The following TUBGCP6 variants were observed in gnomAD, a reference collection of about 807,000 sequenced individuals.
The protein encoded by TUBGCP6 is tubulin gamma complex component 6, also known as gamma-tubulin complex component 6.
TUBGCP6 carries 161 observed loss-of-function variants against 175.8 expected under a neutral mutation model. The observed-to-expected ratio is 0.92, with a 90% CI of 0.81 to 1.04. The LOEUF (loss-of-function observed/expected upper bound fraction) is 1.04. TUBGCP6 is among the 50% of genes least tolerant of loss of function. The probability of loss-of-function intolerance (pLI) is 0.00; values close to 1 mark genes in which losing one functional copy is unlikely to be tolerated. For missense variants in TUBGCP6, 2,572 were observed against 2,433.0 expected, an observed-to-expected ratio of 1.06 and a Z score of -1.20; for synonymous variants, 1,173 against 1,030.5, an observed-to-expected ratio of 1.14 and a Z score of -2.65.
rs1183974461 is a variant in TUBGCP6, at chr22:50,227,962, T to C, written c.1357A>G (p.Thr453Ala). The change falls in exon 5 of 25, where the codon ACC (threonine) becomes GCC (alanine). Residue 453 changes from threonine to alanine, a missense_variant. Transcript: ENST00000248846. The part of the protein sequence containing the change: ...YRACVLSTPP[T>A]LSLLTIGFLF... ...AAACCAATGGTGAGGAGGCTCAGGG[T>C]GGGCGGAGTGGAAAGGACGCAGGCC... The C allele has an allele frequency of 1.9e-6, 3 of 1,571,216 alleles. No individual in the cohort carries two copies. Among genetic ancestry groups the C allele is most frequent in the South Asian group, 2.3e-5 (2 of 85,478 alleles).
intron 13 of TUBGCP6, chr22:50,223,012 A>AT (rs2147182785): frequency 1.8e-5 from 3 of 162,376 alleles, no homozygotes; most frequent in African/African-American, 7.2e-5. Context: ...CAAACGCTTT[A>AT]TTTGCTGAAT....
rs755692957 is a variant in TUBGCP6 at position 50,222,031 on chromosome 22, G to T, written c.2481C>A (p.Pro827=). The stretch of plus-strand genomic sequence containing the variant: ...TGGGTTCCACTCTGCCGCTTACCTG[G>T]GGGTGCACGCTCAAGAGGACGTCTG... ...EPPDVLLSVH[P]QVTSPGPEHP... Residue 827 remains proline, a synonymous_variant, in exon 15 of 25, where the codon CCC becomes CCA. Transcript: ENST00000248846. The T allele has an allele frequency of 1.2e-6, 2 of 1,613,876 alleles. No individual in the cohort carries two copies. The highest frequency in any genetic ancestry group is 1.7e-6 in the Non-Finnish European group (2 of 1,179,986).
intron 1 of TUBGCP6, 127 bp from the exon 2 acceptor site, chr22:50,240,494 A>T: frequency 8.9e-7 from 1 of 1,126,778 alleles, no homozygotes; most frequent in Non-Finnish European, 1.3e-6. Context: ...TCTCAAGCGC[A>T]TGTGTACCAT....
chr22:50,241,338 C>A (rs749342044), intron 1 of TUBGCP6, among the ~76,000 whole-genome samples: 3 of 152,098 alleles, frequency 2.0e-5, no homozygotes, highest in Non-Finnish European at 4.4e-5. Flanking sequence ...CATTACCTAG[C>A]GGACCTTGGT....
chr22:50,223,984 G>A (rs762501990), intron 13 of TUBGCP6, 157 bp downstream of exon 13: 11 of 657,520 alleles, frequency 1.7e-5, no homozygotes, highest in African/African-American at 3.6e-5. Context: ...AAGGCAGAAC[G>A]CCCACAGCCA....
chr22:50,229,693 C>G (rs561784723), intron 3 of TUBGCP6, 116 bp from the exon 4 acceptor site: 1 of 1,098,176 alleles, frequency 9.1e-7, no homozygotes, highest in African/African-American at 1.6e-5. Flanking sequence ...CCTCCAGGAC[C>G]CAAAAGCAAA....
At chr22:50,232,533 T>A (rs1390171326) in intron 3 of TUBGCP6, among the ~76,000 whole-genome samples, 1 of 151,368 alleles carries the variant, frequency 6.6e-6, no homozygotes, top group African/African-American at 2.4e-5. Context: ...CACTCCAGCC[T>A]GGGCAAGAGA....
In TUBGCP6 at chr22:50,226,746, CG is replaced by C. The variant is rs1555908577; in HGVS notation, c.1587del (p.Cys529TrpfsTer25). The C allele has an allele frequency of 6.3e-7, 1 of 1,584,852 alleles. No individual in the cohort carries two copies. Among genetic ancestry groups the C allele is most frequent in the Non-Finnish European group, 8.6e-7 (1 of 1,166,408 alleles). On this transcript the variant is annotated frameshift_variant, in exon 7 of 25. Coordinates refer to ENST00000248846, the MANE Select transcript of TUBGCP6 (RefSeq NM_020461.4). LOFTEE classifies it high-confidence loss of function. The part of the protein sequence containing the change: ...PVLLSLLKTS[C>X]EPYTRFIHDW... ...CCCACTGCCCACCGGGTGTAGGGCT[CG>C]CAGCTGGTCTTCAGCAGGGACAGCA...
Position 50,221,073 on chromosome 22 carries a change from C to A in TUBGCP6, c.3286G>T (p.Asp1096Tyr). The A allele has an allele frequency of 6.2e-7, 1 of 1,613,160 alleles. No individual in the cohort carries two copies. Among genetic ancestry groups the A allele is most frequent in the Non-Finnish European group, 8.5e-7 (1 of 1,179,752 alleles). Reference protein sequence around the residue: ...ASISLGESVSDVAPTRPRWNI... With the variant: ...ASISLGESVSYVAPTRPRWNI... ...CACCGTGGCCGAGTGGGAGCCACAT[C>A]TGACACAGACTCCCCTAAGCTGATG... is the stretch of plus-strand genomic sequence containing the variant. The change falls in exon 16 of 25, where the codon GAT (aspartate) becomes TAT (tyrosine). Residue 1096 changes from aspartate to tyrosine, a missense_variant. Transcript: ENST00000248846.
chr22:50,243,771 A>C lies in TUBGCP6; in HGVS notation c.689T>G (p.Leu230Arg). 6.2e-7 allele frequency: 1 copy of C among 1,613,626 alleles called. No individual in the cohort carries two copies. The highest frequency in any genetic ancestry group is 8.5e-7 in the Non-Finnish European group (1 of 1,179,990). Residue 230 changes from leucine (L) to arginine (R), a missense_variant, in exon 1 of 25, where the codon CTG becomes CGG. Physicochemically the swap from Leu to Arg is moderately radical, Grantham distance 102 (BLOSUM62 -2). Transcript: ENST00000248846. ...ATTGTCTGGCACGGGGGGCAGGCCC[A>C]GTCGGACGTCCATGTCATAAGTGCG... ...HSRTYDMDVR[L>R]GLPPVPDNAD...
Position 50,244,350 on chromosome 22 carries a change from A to G in TUBGCP6, c.110T>C (p.Leu37Pro). 6.2e-7 allele frequency: 1 copy of G among 1,613,472 alleles called. No individual in the cohort carries two copies. Among genetic ancestry groups the G allele is most frequent in the Non-Finnish European group, 8.5e-7 (1 of 1,180,024 alleles). The change falls in exon 1 of 25, where the codon CTC (leucine) becomes CCC (proline). Residue 37 changes from leucine to proline, a missense_variant. Leu to Pro is a moderately conservative substitution (Grantham distance 98). Coordinates refer to ENST00000248846, the MANE Select transcript of TUBGCP6 (RefSeq NM_020461.4). The part of the protein sequence containing the change: ...SVNRKRAKRS[L>P]KKVAYNALFT... Reference sequence around the variant, plus strand: ...AAGAGCATTGTAGGCCACCTTCTTGAGGCTCCGCTTTGCCCTCTTCCGGTT... The same window carrying G: ...AAGAGCATTGTAGGCCACCTTCTTGGGGCTCCGCTTTGCCCTCTTCCGGTT...
rs1368861211 is a variant in TUBGCP6, at chr22:50,243,633, AAG to A, written c.741+84_741+85del. ...ACACTGTCTCAAAAAAAAAAAAAAA[AAG>A]AAGAAGAAGAAGAAGAAGAAAGGTC... On this transcript the variant is annotated intron_variant, in intron 1 of 24. Transcript: ENST00000248846. 2.9e-3 allele frequency: 2,423 copies of A among 849,328 alleles called. 38 individuals are homozygous for A. Among genetic ancestry groups the A allele is most frequent in the African/African-American group, 0.027 (1,300 of 48,860 alleles). 52.6% of individuals were successfully genotyped at this position (849,328 alleles called of 1,614,324 possible).
Position 50,244,704 on chromosome 22 carries a change from C to A in TUBGCP6, c.-245G>T, listed in dbSNP as rs912483782. The A allele has an allele frequency of 7.2e-6, 4 of 556,728 alleles. No homozygotes were observed. The highest frequency in any genetic ancestry group is 7.1e-5 in the Admixed American group (2 of 27,982). The allele number at this position is 556,728 out of a possible 1,614,324, so 34.5% of individuals were successfully genotyped here. On this transcript the variant is annotated 5_prime_UTR_variant, in exon 1 of 25. Coordinates refer to ENST00000248846, the MANE Select transcript of TUBGCP6 (RefSeq NM_020461.4). ...CGGCGCCCGGCAGCCCACCAGAAGC[C>A]AGCTCGGCGTTTCTTCTAATTCAGT...
At position 50,224,268 on chromosome 22, in the gene TUBGCP6, A is replaced by G; in HGVS notation, c.2155-12T>C. 6.2e-7 allele frequency: 1 copy of G among 1,614,104 alleles called. No individual in the cohort carries two copies. Among genetic ancestry groups the G allele is most frequent in the Non-Finnish European group, 8.5e-7 (1 of 1,179,990 alleles). On this transcript the variant is annotated splice_polypyrimidine_tract_variant and intron_variant, in intron 12 of 24. Transcript: ENST00000248846. ...GCCGCCTGGCGTCGCTATAAAACAC[A>G]TAGAGCCTGGCCTGTGAAATCAGAA...
At position 50,224,546 on chromosome 22, in the gene TUBGCP6, C is replaced by T. The variant is rs772158509; in HGVS notation, c.2030G>A (p.Arg677Gln). ...IAKQELIAHAREAASRVLSAL... is the reference protein window; with the variant it reads ...IAKQELIAHAQEAASRVLSAL... ...ACTCAGGACCCTGGATGCTGCTTCC[C>T]GGGCATGAGCGATTAATTCTTGTTT... Residue 677 changes from arginine (R) to glutamine (Q), a missense_variant, in exon 11 of 25, where the codon CGG becomes CAG. Coordinates refer to ENST00000248846, the MANE Select transcript of TUBGCP6 (RefSeq NM_020461.4). 7 of 1,614,024 alleles carry T rather than the reference C, an allele frequency of 4.3e-6. No homozygotes were observed. Among genetic ancestry groups the T allele is most frequent in the Admixed American group, 1.7e-5 (1 of 60,004 alleles).
At chr22:50,236,911 A>G (rs888312621) in intron 2 of TUBGCP6, among the ~76,000 whole-genome samples, 6 of 152,040 alleles carry the variant, frequency 3.9e-5, no homozygotes, top group Non-Finnish European at 8.8e-5. Context: ...CAGCACTGCC[A>G]TGGCTGCACA....
intron 9 of TUBGCP6, 31 bp from the exon 10 acceptor site, chr22:50,225,974 G>A: frequency 6.2e-7 from 1 of 1,613,166 alleles, no homozygotes; most frequent in Non-Finnish European, 8.5e-7. Context: ...ACAGCCACCA[G>A]CACTCAGCCC....
intron 2 of TUBGCP6, among the ~76,000 whole-genome samples, chr22:50,239,131 C>A (rs368673282): frequency 6.6e-6 from 1 of 152,188 alleles, no homozygotes; most frequent in Non-Finnish European, 1.5e-5. Flanking sequence ...TGGATGTGAA[C>A]GGGGCATTCC....
intron 4 of TUBGCP6, 33 bp downstream of exon 4, chr22:50,229,371 A>T: frequency 1.2e-6 from 2 of 1,605,306 alleles, no homozygotes; most frequent in Non-Finnish European, 1.7e-6. Flanking sequence ...GTTCTCACAA[A>T]GGTGTGTGAC....
Sources: allele counts gnomAD v4.1 joint callset (sites outside exome capture counted in the v4.1 genomes callset), GRCh38; gene constraint gnomAD v4.1.1; transcripts MANE v1.5; gene names NCBI Gene and HGNC (gene_info 2026-07-23, HGNC 2026-07-21).